NFIC: variants seen among roughly 807,000 people sequenced by gnomAD.
NFIC encodes the protein nuclear factor I C.
NFIC carries 12 observed loss-of-function variants against 54.4 expected under a neutral mutation model. The observed-to-expected ratio is 0.22, with a 90% CI of 0.14 to 0.36. The LOEUF is 0.36. NFIC is among the 10% of genes least tolerant of loss of function. The pLI is 1.00. For missense variants in NFIC, 575 were observed against 718.2 expected (o/e 0.80, Z 2.28); for synonymous variants, 322 against 319.2 (o/e 1.01, Z -0.09).
chr19:3,453,767 A>G lies in NFIC; in HGVS notation c.1274A>G (p.Asn425Ser). 6.2e-7 allele frequency: 1 copy of G among 1,600,862 alleles called. No homozygotes were observed. The highest frequency in any genetic ancestry group is 1.4e-5 in the African/African-American group (1 of 73,778). ...CGTGTCTCTCTGTTCCCCCAGTTAA[A>G]TGGAAGTGGTCAGCTCAAAATGCCC... Reference protein sequence around the residue: ...DPASQQPGPLNGSGQLKMPSH... With the variant: ...DPASQQPGPLSGSGQLKMPSH... The change falls in exon 9 of 11, where the codon AAT (asparagine) becomes AGT (serine). Residue 425 changes from asparagine to serine, a missense_variant. By Grantham distance (46) the Asn-to-Ser change is conservative. This residue lies in a region of NFIC where 447 missense variants were observed against 526.9 expected (regional missense o/e 0.85). Transcript: ENST00000443272. This position sits in a 1 kb window ranked among gnomAD's most constrained non-coding sequence, Gnocchi z 6.7.
At chr19:3,462,659 G>C in intron 10 of NFIC, 93 bp from the exon 11 acceptor site, 9 of 1,424,888 alleles carry the variant, frequency 6.3e-6, no homozygotes, top group Non-Finnish European at 8.9e-6. Context: ...GGTGAGCGTG[G>C]GAAGAGGTAA....
rs2082179766 is a variant in NFIC at position 3,435,179 on chromosome 19, C to G, written c.930C>G (p.Ser310Arg). Residue 310 changes from serine (S) to arginine (R), a missense_variant, in exon 6 of 11, where the codon AGC (serine) becomes AGG (arginine). By Grantham distance (110) the Ser-to-Arg change is moderately radical. Transcript: ENST00000443272. ...YTSPSSPTSS[S>R]RNWTEDMEGG... Reference sequence around the variant, plus strand: ...CGCCCAGCTCGCCCACGAGTAGCAGCCGCAACTGGACGGAGGACATGGAAG... The same window carrying G: ...CGCCCAGCTCGCCCACGAGTAGCAGGCGCAACTGGACGGAGGACATGGAAG... 6.2e-7 allele frequency: 1 copy of G among 1,606,224 alleles called. No individual in the cohort carries two copies.
intron 2 of NFIC, among the ~76,000 whole-genome samples, chr19:3,410,347 C>T (rs1254120594): frequency 6.6e-6 from 1 of 152,206 alleles, no homozygotes; most frequent in Non-Finnish European, 1.5e-5. Context: ...GCATTTGTGT[C>T]TCTCTGAGAA....
chr19:3,464,184 C>A lies in NFIC; in HGVS notation c.*1415C>A. 3 of 985,394 alleles carry A rather than the reference C, an allele frequency of 3.0e-6. No individual in the cohort carries two copies. The highest frequency in any genetic ancestry group is 3.6e-6 in the Non-Finnish European group (3 of 829,922). The allele number at this position is 985,394 out of a possible 1,614,324, so 61.0% of individuals were successfully genotyped here. On this transcript the variant is annotated 3_prime_UTR_variant, in exon 11 of 11. Coordinates refer to ENST00000443272, the MANE Select transcript of NFIC (RefSeq NM_001245002.2). ...TGCACTTTCATCGCCTACCCCGACGCGGGGCCCAGCTGCGGGACGTGCATC... is the reference window on the plus strand; with the variant it reads ...TGCACTTTCATCGCCTACCCCGACGAGGGGCCCAGCTGCGGGACGTGCATC...
chr19:3,425,558 C>G (rs1000265005), intron 3 of NFIC, among the ~76,000 whole-genome samples: 1 of 152,106 alleles, frequency 6.6e-6, no homozygotes, highest in African/African-American at 2.4e-5. Flanking sequence ...TTCCCGGGTT[C>G]AAGTGATTCT....
Position 3,452,732 on chromosome 19 carries a change from G to C in NFIC, c.1269+66G>C. Reference sequence around the variant, plus strand: ...CCAGGTGACCTCCCGGGGGCCACGTGCTCACACGAAGGCACAACCTCTGCT... The same window carrying C: ...CCAGGTGACCTCCCGGGGGCCACGTCCTCACACGAAGGCACAACCTCTGCT... On this transcript the variant is annotated intron_variant, in intron 8 of 10. Coordinates refer to ENST00000443272, the MANE Select transcript of NFIC (RefSeq NM_001245002.2). The surrounding 1 kb of genome is among the most constrained non-coding windows in gnomAD (Gnocchi z 5.3). 1 of 1,517,282 alleles carries C rather than the reference G, an allele frequency of 6.6e-7. No individual in the cohort carries two copies. The highest frequency in any genetic ancestry group is 8.8e-7 in the Non-Finnish European group (1 of 1,134,092). 94.0% of individuals were successfully genotyped at this position (1,517,282 alleles called of 1,614,324 possible). A position where few individuals can be genotyped will look rare whatever the true frequency, so the allele number is the denominator to read the frequency against.
At chr19:3,410,139 C>T (rs2081730173) in intron 2 of NFIC, among the ~76,000 whole-genome samples, 1 of 152,148 alleles carries the variant, frequency 6.6e-6, no homozygotes, top group Non-Finnish European at 1.5e-5. Flanking sequence ...CTCCCGGGTT[C>T]ACGCCATTCT....
At chr19:3,398,428 A>G (rs1298339550) in intron 2 of NFIC, among the ~76,000 whole-genome samples, 3 of 152,104 alleles carry the variant, frequency 2.0e-5, no homozygotes, top group Non-Finnish European at 4.4e-5. Context: ...CTCTGGTGTC[A>G]TCGCCTCCTC....
At chr19:3,426,265 G>A (rs1331207273) in intron 3 of NFIC, among the ~76,000 whole-genome samples, 1 of 151,658 alleles carries the variant, frequency 6.6e-6, no homozygotes, top group Non-Finnish European at 1.5e-5. Flanking sequence ...TTTTTGTAGA[G>A]ACAGAGTCTC....
At chr19:3,361,867 ACTCC>A (rs1438535350), upstream of NFIC, among the ~76,000 whole-genome samples, 2 of 151,462 alleles carry the variant, frequency 1.3e-5, no homozygotes, top group Non-Finnish European at 2.9e-5. Context: ...CACACACGAC[ACTCC>A]CTCACGGTGC....
chr19:3,464,840 G>A lies in NFIC; in HGVS notation c.*2071G>A, dbSNP rs2082695417. The A allele has an allele frequency of 6.9e-6, 3 of 435,482 alleles. No individual in the cohort carries two copies. The highest frequency in any genetic ancestry group is 9.2e-6 in the Non-Finnish European group (3 of 327,656). The allele number at this position is 435,482 out of a possible 1,614,324, so 27.0% of individuals were successfully genotyped here. ...GGGGCCCGCTCCCCCGGTGGCCCTT[G>A]GGGATCAAAGCGTGGGCCGCTCTCC... On this transcript the variant is annotated 3_prime_UTR_variant, in exon 11 of 11. Coordinates refer to ENST00000443272, the MANE Select transcript of NFIC (RefSeq NM_001245002.2).
intron 2 of NFIC, among the ~76,000 whole-genome samples, chr19:3,408,527 A>C (rs2081694600): frequency 1.3e-5 from 2 of 152,136 alleles, no homozygotes; most frequent in African/African-American, 4.8e-5. Flanking sequence ...TCGCAGCCTC[A>C]AACTCCCAGG....
Position 3,453,921 on chromosome 19 carries a change from G to T in NFIC, c.1423+5G>T, listed in dbSNP as rs760791630. 6.5e-7 allele frequency: 1 copy of T among 1,531,216 alleles called. No individual in the cohort carries two copies. Among genetic ancestry groups the T allele is most frequent in the South Asian group, 1.2e-5 (1 of 82,334 alleles). 94.9% of individuals were successfully genotyped at this position (1,531,216 alleles called of 1,614,324 possible). On this transcript the variant is annotated splice_donor_5th_base_variant and intron_variant, in intron 9 of 10. Coordinates refer to ENST00000443272, the MANE Select transcript of NFIC (RefSeq NM_001245002.2). This position sits in a 1 kb window ranked among gnomAD's most constrained non-coding sequence, Gnocchi z 6.7. Reference sequence around the variant, plus strand: ...CCACGTCGCCGACCTCGCCTTGTAAGCACGCGGGAAGCGGTGCCCTGGTGG... The same window carrying T: ...CCACGTCGCCGACCTCGCCTTGTAATCACGCGGGAAGCGGTGCCCTGGTGG...
chr19:3,377,151 C>T (rs571242716), intron 1 of NFIC, among the ~76,000 whole-genome samples: 1 of 150,094 alleles, frequency 6.7e-6, no homozygotes, highest in Non-Finnish European at 1.5e-5. Flanking sequence ...ACACAGTGAA[C>T]CCCCGTCTCT....
intron 2 of NFIC, among the ~76,000 whole-genome samples, chr19:3,388,205 G>A (rs557552666): frequency 3.3e-5 from 5 of 152,338 alleles, no homozygotes; most frequent in East Asian, 1.9e-4. Context: ...AGGCTGCCCC[G>A]GGTGCCCTGG....
At position 3,459,772 on chromosome 19, in the gene NFIC, G is replaced by C. The variant is rs1033974254; in HGVS notation, c.1510-2980G>C. Among the ~76,000 whole-genome samples, 7 of 152,248 alleles carry C rather than the reference G, an allele frequency of 4.6e-5. No individual in the cohort carries two copies. The highest frequency in any genetic ancestry group is 1.0e-4 in the Non-Finnish European group (7 of 68,050). On this transcript the variant is annotated intron_variant, in intron 10 of 10. Coordinates refer to ENST00000443272, the MANE Select transcript of NFIC (RefSeq NM_001245002.2). The surrounding 1 kb of genome is among the most constrained non-coding windows in gnomAD (Gnocchi z 4.2). ...AACAGAAACCAGACATGAGGTAATGGCCAAGATGAACTTGAACTTGGCTGG... is the reference window on the plus strand; with the variant it reads ...AACAGAAACCAGACATGAGGTAATGCCCAAGATGAACTTGAACTTGGCTGG...
intron 3 of NFIC, among the ~76,000 whole-genome samples, chr19:3,432,453 CCAGAGTATCT>C (rs576405789): frequency 4.1e-4 from 62 of 152,244 alleles, no homozygotes; most frequent in Admixed American, 3.7e-3. Flanking sequence ...GAACAAGAAG[CCAGAGTATCT>C]CGAAGGGTGA....
rs2082417421 is a variant in NFIC at position 3,449,135 on chromosome 19, C to T, written c.1080C>T (p.His360=). 6.2e-7 allele frequency: 1 copy of T among 1,612,070 alleles called. No individual in the cohort carries two copies. The highest frequency in any genetic ancestry group is 8.5e-7 in the Non-Finnish European group (1 of 1,179,062). Residue 360 remains histidine (H), a synonymous_variant, in exon 7 of 11, where the codon CAC becomes CAT. Transcript: ENST00000443272. ...ACCACCGGCCCGTCATCGCCGTGCA[C>T]AGCGGTAAGCGCCACGGGCCCCTGG... ...TQHHRPVIAV[H]SGIARSPHPS... is the part of the protein sequence containing the mutation.
At chr19:3,381,687 G>C in intron 1 of NFIC, 25 bp from the exon 2 acceptor site, 1 of 1,610,710 alleles carries the variant, frequency 6.2e-7, no homozygotes, top group South Asian at 1.1e-5. Context: ...TGGCGCTCCT[G>C]ACCTCTCGCC....
Sources: gnomAD v4.1 joint callset for allele counts (sites outside exome capture counted in the v4.1 genomes callset) on GRCh38, gnomAD v4.1.1 for gene constraint, gnomAD v4.1.1 regional missense constraint, Gnocchi (gnomAD v3.1) non-coding constraint, MANE v1.5 for transcripts, NCBI Gene and HGNC (gene_info 2026-07-23, HGNC 2026-07-21) for gene names.